Variants in PTPN13 observed in about 807,000 individuals in gnomAD.
PTPN13 encodes protein tyrosine phosphatase non-receptor type 13.
PTPN13 carries 191 observed loss-of-function variants against 284.0 expected under a neutral mutation model. That is an observed-to-expected ratio of 0.67 (90% confidence interval 0.60 to 0.76). The LOEUF is 0.76. PTPN13 is among the 30% of genes least tolerant of loss of function. The pLI is 0.00. For synonymous variants in PTPN13, 986 were observed against 1,022.3 expected (o/e 0.96, Z 0.68); for missense variants, 2,797 against 2,939.9 (o/e 0.95, Z 1.12).
rs1455380155 is a variant in PTPN13, at chr4:86,771,647, T to TTAGGCA, written c.5168+112_5168+113insTAGGCA. 171 of 1,189,810 alleles carry TTAGGCA rather than the reference T, an allele frequency of 1.4e-4. No individual in the cohort carries two copies. The African/African-American group carries it at 2.3e-3, about 16-fold the overall frequency. The allele number at this position is 1,189,810 out of a possible 1,614,324, so 73.7% of individuals were successfully genotyped here. On this transcript the variant is annotated intron_variant, in intron 31 of 47. Transcript: ENST00000411767. ...ATGTATGTATCTGTGACCTTCACAG[T>TTAGGCA]GGTTAGGCAGAGGATGACTCTATTG...
chr4:86,753,722 T>C (rs1737665889), intron 20 of PTPN13, among the ~76,000 whole-genome samples: 2 of 152,098 alleles, frequency 1.3e-5, no homozygotes, highest in Admixed American at 6.5e-5. Flanking sequence ...GATTGCAAAG[T>C]ATTTTCATAT....
At chr4:86,700,240 T>G (rs1316233508) in intron 6 of PTPN13, among the ~76,000 whole-genome samples, 3 of 152,162 alleles carry the variant, frequency 2.0e-5, no homozygotes, top group Admixed American at 6.5e-5. Context: ...TTATTAAGGT[T>G]TTAGTCATTA....
intron 27 of PTPN13, 52 bp from the exon 28 acceptor site, chr4:86,767,765 C>G: frequency 7.4e-7 from 1 of 1,345,196 alleles, no homozygotes; most frequent in Non-Finnish European, 1.0e-6. Flanking sequence ...GAAAATGTAT[C>G]TATTTTCTTA....
chr4:86,626,367 A>G (rs1238258389), intron 1 of PTPN13, among the ~76,000 whole-genome samples: 1 of 152,146 alleles, frequency 6.6e-6, no homozygotes, highest in Non-Finnish European at 1.5e-5. Context: ...CATTGCTCCA[A>G]CTGCAACAAA....
chr4:86,789,439 G>T (rs1449830790), intron 40 of PTPN13, among the ~76,000 whole-genome samples: 1 of 152,134 alleles, frequency 6.6e-6, no homozygotes, highest in African/African-American at 2.4e-5. Flanking sequence ...CCCTGTGCTT[G>T]TAAGAGCCTC....
chr4:86,695,139 T>A (rs1730465666), intron 6 of PTPN13, among the ~76,000 whole-genome samples: 1 of 152,132 alleles, frequency 6.6e-6, no homozygotes, highest in Admixed American at 6.5e-5. Context: ...GGTGCTTCCA[T>A]TTTAATTATT....
At chr4:86,744,154 C>A (rs1204240986) in intron 16 of PTPN13, among the ~76,000 whole-genome samples, 1 of 152,148 alleles carries the variant, frequency 6.6e-6, no homozygotes, top group African/African-American at 2.4e-5. Flanking sequence ...TGTTTTATCT[C>A]TCAACCCAGC....
intron 40 of PTPN13, among the ~76,000 whole-genome samples, chr4:86,790,034 T>C (rs927550228): frequency 6.6e-6 from 1 of 152,124 alleles, no homozygotes; most frequent in Non-Finnish European, 1.5e-5. Flanking sequence ...CACTTAACTC[T>C]TATAAAAGGC....
intron 5 of PTPN13, among the ~76,000 whole-genome samples, chr4:86,691,803 GC>G (rs1314347893): frequency 5.3e-5 from 8 of 152,148 alleles, no homozygotes; most frequent in Admixed American, 4.6e-4. Context: ...GCCTCCAGTA[GC>G]TGACAGAATG....
At chr4:86,650,742 T>C (rs1724989771) in intron 2 of PTPN13, among the ~76,000 whole-genome samples, 2 of 152,228 alleles carry the variant, frequency 1.3e-5, no homozygotes, top group Admixed American at 6.5e-5. Context: ...GGTATAGAAA[T>C]GCTACTGATT....
Position 86,771,305 on chromosome 4 carries a change from A to G in PTPN13, c.4938A>G (p.Pro1646=). 6.2e-7 allele frequency: 1 copy of G among 1,602,432 alleles called. No homozygotes were observed. Among genetic ancestry groups the G allele is most frequent in the Non-Finnish European group, 8.5e-7 (1 of 1,174,288 alleles). Residue 1646 remains proline (P), a synonymous_variant, in exon 31 of 48, where the codon CCA becomes CCG. Transcript: ENST00000411767. The stretch of plus-strand genomic sequence containing the variant: ...AAAGCAAAAAACAGTGCAAGTCCCC[A>G]TCCAGAAGAGACAGTTACAGTGACA... ...SDKSKKQCKS[P]SRRDSYSDSS... is the part of the protein sequence containing the mutation.
chr4:86,746,603 T>A (rs988724425), intron 17 of PTPN13, among the ~76,000 whole-genome samples: 1 of 152,152 alleles, frequency 6.6e-6, no homozygotes, highest in African/African-American at 2.4e-5. Flanking sequence ...AATCTGTACT[T>A]TAACAGGCTT....
chr4:86,785,263 G>T lies in PTPN13; in HGVS notation c.6151G>T (p.Asp2051Tyr), dbSNP rs771634533. ...SYIQEDDIYD[D>Y]SQEAEVIQSL... ...TATACAAGAAGATGACATTTATGAT[G>T]ATTCCCAAGAAGCTGAAGTTATCCA... is the stretch of plus-strand genomic sequence containing the variant. Residue 2051 changes from aspartate (D) to tyrosine (Y), a missense_variant, in exon 39 of 48, where the codon GAT (aspartate) becomes TAT (tyrosine). Transcript: ENST00000411767. 6.3e-7 allele frequency: 1 copy of T among 1,581,608 alleles called. No homozygotes were observed. The highest frequency in any genetic ancestry group is 1.4e-5 in the African/African-American group (1 of 73,818).
At chr4:86,677,888 G>A (rs1011575754) in intron 3 of PTPN13, among the ~76,000 whole-genome samples, 3 of 152,068 alleles carry the variant, frequency 2.0e-5, no homozygotes, top group African/African-American at 7.2e-5. Context: ...CTCTTAAGAT[G>A]GAAATTTAGC....
intron 40 of PTPN13, among the ~76,000 whole-genome samples, chr4:86,791,719 G>A (rs895613170): frequency 1.3e-5 from 2 of 152,212 alleles, no homozygotes; most frequent in Non-Finnish European, 1.5e-5. Flanking sequence ...GGCAAACAGG[G>A]TCTGGAGTGG....
intron 42 of PTPN13, 120 bp from the exon 43 acceptor site, chr4:86,803,589 T>C (rs1744305405): frequency 5.5e-6 from 6 of 1,081,662 alleles, no homozygotes; most frequent in Non-Finnish European, 8.1e-6. Flanking sequence ...CAAGATTCTA[T>C]CTCTAAATAA....
chr4:86,758,290 C>T lies in PTPN13; in HGVS notation c.3254C>T (p.Ser1085Phe). The T allele has an allele frequency of 6.2e-7, 1 of 1,611,588 alleles. No homozygotes were observed. Among genetic ancestry groups the T allele is most frequent in the Non-Finnish European group, 8.5e-7 (1 of 1,178,506 alleles). ...DVLHKRWSIV[S>F]SPEREITLVN... ...CTACACAAAAGATGGAGCATAGTAT[C>T]TTCACCAGAAAGGGAGATCACCTTA... Residue 1085 changes from serine (S) to phenylalanine (F), a missense_variant, in exon 21 of 48, where the codon TCT becomes TTT. Ser to Phe is a radical substitution (Grantham distance 155, BLOSUM62 -2). Transcript: ENST00000411767.
At chr4:86,721,966 C>G (rs1054460133) in intron 9 of PTPN13, among the ~76,000 whole-genome samples, 13 of 151,736 alleles carry the variant, frequency 8.6e-5, no homozygotes, top group African/African-American at 3.1e-4. Flanking sequence ...AGGCTGGTCT[C>G]GAACTCCTGG....
chr4:86,784,425 A>G (rs760835173), intron 37 of PTPN13, 40 bp from the exon 38 acceptor site: 46 of 1,432,064 alleles, frequency 3.2e-5, no homozygotes, highest in Non-Finnish European at 7.7e-6. Context: ...GGAAGTTAGT[A>G]AAATACTATC....
Sources: gnomAD v4.1 joint callset for allele counts (sites outside exome capture counted in the v4.1 genomes callset) on GRCh38, gnomAD v4.1.1 for gene constraint, MANE v1.5 for transcripts, NCBI Gene and HGNC (gene_info 2026-07-23, HGNC 2026-07-21) for gene names.